The following ACTR3 variants were observed in gnomAD, a reference collection of about 807,000 sequenced individuals.
The protein encoded by ACTR3 is actin related protein 3, also known as actin-related protein 3.
In ACTR3, 12 loss-of-function variants were observed where a neutral mutation model predicts 56.8. The ratio of observed to expected loss-of-function variants is 0.21; its 90% CI spans 0.14 to 0.34. The LOEUF is 0.34. ACTR3 is among the 10% of genes least tolerant of loss of function. The pLI, the probability that ACTR3 is intolerant of heterozygous loss-of-function variation, is 1.00. For synonymous variants in ACTR3, 162 were observed against 167.4 expected (o/e 0.97, Z 0.25); for missense variants, 282 against 512.5 (o/e 0.55, Z 4.34).
chr2:113,934,459 T>C lies in ACTR3; in HGVS notation c.540+73T>C, dbSNP rs550650894. 126 of 1,031,056 alleles carry C rather than the reference T, an allele frequency of 1.2e-4. No individual in the cohort carries two copies. The African/African-American group carries it at 1.9e-3, about 15-fold the overall frequency. 63.9% of individuals were successfully genotyped at this position (1,031,056 alleles called of 1,614,324 possible). Reference sequence around the variant, plus strand: ...GGCAAAGTTAAATTATACGAATTAATGTTACTTTTAAAAAACTTTAAATGC... The same window carrying C: ...GGCAAAGTTAAATTATACGAATTAACGTTACTTTTAAAAAACTTTAAATGC... On this transcript the variant is annotated intron_variant, in intron 6 of 11. Coordinates refer to ENST00000263238, the MANE Select transcript of ACTR3 (RefSeq NM_005721.5).
intron 8 of ACTR3, 97 bp from the exon 9 acceptor site, chr2:113,951,382 G>A (rs1680118151): frequency 2.7e-6 from 2 of 734,732 alleles, no homozygotes; most frequent in Non-Finnish European, 4.6e-6. Context: ...TTTCTAAAAG[G>A]CCTTTTGTTT....
At chr2:113,901,677 C>T (rs989078743) in intron 1 of ACTR3, among the ~76,000 whole-genome samples, 5 of 152,110 alleles carry the variant, frequency 3.3e-5, no homozygotes, top group African/African-American at 7.2e-5. Flanking sequence ...TCCTTAAGCT[C>T]TGGGGTCTTA....
intron 6 of ACTR3, among the ~76,000 whole-genome samples, chr2:113,937,416 G>T (rs1679849059): frequency 6.6e-6 from 1 of 152,052 alleles, no homozygotes; most frequent in South Asian, 2.1e-4. Flanking sequence ...TTGAAATTGA[G>T]TTCTTTTATT....
At chr2:113,956,817 G>A (rs955981914) in intron 11 of ACTR3, among the ~76,000 whole-genome samples, 2 of 152,094 alleles carry the variant, frequency 1.3e-5, no homozygotes, top group Admixed American at 1.3e-4. Context: ...CTCAATTTTA[G>A]TCTTCTTCAA....
chr2:113,889,993 G>A (rs1041352399), upstream of ACTR3: 5 of 535,038 alleles, frequency 9.3e-6, no homozygotes, highest in Non-Finnish European at 1.6e-5. Context: ...GGCGTGAGGG[G>A]AAGAAGTTGT....
At chr2:113,900,904 A>G (rs1381473946) in intron 1 of ACTR3, among the ~76,000 whole-genome samples, 1 of 152,238 alleles carries the variant, frequency 6.6e-6, no homozygotes, top group African/African-American at 2.4e-5. Flanking sequence ...CTTGCATGTC[A>G]TGAGAAAAAT....
chr2:113,943,434 AT>A (rs1679960156), intron 8 of ACTR3, among the ~76,000 whole-genome samples: 1 of 152,216 alleles, frequency 6.6e-6, no homozygotes, highest in African/African-American at 2.4e-5. Flanking sequence ...AGTTAGCTAG[AT>A]TCTGTAGTCA....
At position 113,890,114 on chromosome 2, in the gene ACTR3, G is replaced by A. The variant is rs1678854347; in HGVS notation, c.-166G>A. ...GTTGCGGAAGTGATAGCCGCCGACC[G>A]AGCCTGCTGCTTTCTTGCTACTGCT... On this transcript the variant is annotated 5_prime_UTR_variant, in exon 1 of 12. Coordinates refer to ENST00000263238, the MANE Select transcript of ACTR3 (RefSeq NM_005721.5). The A allele has an allele frequency of 2.1e-5, 17 of 798,764 alleles. No individual in the cohort carries two copies. The Middle Eastern group carries it at 4.2e-3, about 199-fold the overall frequency. The allele number at this position is 798,764 out of a possible 1,614,324, so 49.5% of individuals were successfully genotyped here.
rs1680334851 is a variant in ACTR3 at position 113,962,052 on chromosome 2, T to G, written c.*4597T>G. The G allele has an allele frequency of 6.6e-6, 1 of 152,022 alleles. No homozygotes were observed. Among genetic ancestry groups the G allele is most frequent in the South Asian group, 2.1e-4 (1 of 4,832 alleles). 9.4% of individuals were successfully genotyped at this position (152,022 alleles called of 1,614,324 possible). A position where few individuals can be genotyped will look rare whatever the true frequency, so the allele number is the denominator to read the frequency against. On this transcript the variant is annotated 3_prime_UTR_variant, in exon 12 of 12. Coordinates refer to ENST00000263238, the MANE Select transcript of ACTR3 (RefSeq NM_005721.5). ...GTTTGATGAATGAATGAGTAAAAAT[T>G]ATTTTTCATGTTAAAATAAAACTTT...
intron 6 of ACTR3, among the ~76,000 whole-genome samples, chr2:113,937,470 G>C (rs1679850421): frequency 6.6e-6 from 1 of 152,192 alleles, no homozygotes; most frequent in Admixed American, 6.5e-5. Flanking sequence ...TGAAGGTCCA[G>C]ATTTCCACCT....
chr2:113,939,745 A>G (rs771591828), intron 6 of ACTR3, among the ~76,000 whole-genome samples: 6 of 152,194 alleles, frequency 3.9e-5, no homozygotes, highest in Non-Finnish European at 7.3e-5. Context: ...TATTTTAGTC[A>G]TAGTTATAAA....
In ACTR3 at chr2:113,955,726, C is replaced by G. The variant is rs1206223714; in HGVS notation, c.1161+20C>G. 1 of 1,565,966 alleles carries G rather than the reference C, an allele frequency of 6.4e-7. No homozygotes were observed. Among genetic ancestry groups the G allele is most frequent in the South Asian group, 1.1e-5 (1 of 87,194 alleles). On this transcript the variant is annotated intron_variant, in intron 11 of 11. Coordinates refer to ENST00000263238, the MANE Select transcript of ACTR3 (RefSeq NM_005721.5). ...TCCACGGTGAGTGTGATGAAGCTTA[C>G]TTTTATTTTATTTTATCATTATTAT...
intron 3 of ACTR3, among the ~76,000 whole-genome samples, chr2:113,923,352 T>TTTTC (rs1330950688): frequency 7.3e-6 from 1 of 137,448 alleles, no homozygotes; most frequent in African/African-American, 2.7e-5. Context: ...GTTTGTTTGT[T>TTTTC]TTTGAGACGG....
At chr2:113,918,622 G>A (rs907420568) in intron 3 of ACTR3, among the ~76,000 whole-genome samples, 1 of 152,072 alleles carries the variant, frequency 6.6e-6, no homozygotes, top group African/African-American at 2.4e-5. Flanking sequence ...CTGGGCTCAA[G>A]CAATTTGTCC....
intron 1 of ACTR3, among the ~76,000 whole-genome samples, chr2:113,910,227 C>G (rs776920055): frequency 1.3e-5 from 2 of 151,960 alleles, no homozygotes; most frequent in Non-Finnish European, 2.9e-5. Flanking sequence ...TGTCTATGCA[C>G]TGAAGCCTCT....
chr2:113,916,999 T>C lies in ACTR3; in HGVS notation c.216T>C (p.Tyr72=), dbSNP rs1416023918. 1 of 1,604,446 alleles carries C rather than the reference T, an allele frequency of 6.2e-7. No homozygotes were observed. Among genetic ancestry groups the C allele is most frequent in the Non-Finnish European group, 8.5e-7 (1 of 1,175,760 alleles). Reference sequence around the variant, plus strand: ...ATGAAGCAATAGAAAAACCTACATATGCAACAAAGGTATGTTTTTATGATT... The same window carrying C: ...ATGAAGCAATAGAAAAACCTACATACGCAACAAAGGTATGTTTTTATGATT... The part of the protein sequence containing the change: ...IGDEAIEKPT[Y]ATKWPIRHGI... The change falls in exon 3 of 12, where the codon TAT becomes TAC. Residue 72 remains tyrosine (Y), a synonymous_variant. Transcript: ENST00000263238.
intron 4 of ACTR3, 31 bp from the exon 5 acceptor site, chr2:113,931,270 T>A (rs751421952): frequency 1.6e-6 from 2 of 1,277,690 alleles, no homozygotes; most frequent in Non-Finnish European, 2.2e-6. Context: ...AATCTGATAT[T>A]ATCTATTTAA....
rs1680266804 is a variant in ACTR3, at chr2:113,958,621, GTAATT to G, written c.*1167_*1171del. The G allele has an allele frequency of 6.6e-6, 1 of 151,000 alleles. No individual in the cohort carries two copies. Among genetic ancestry groups the G allele is most frequent in the African/African-American group, 2.4e-5 (1 of 40,974 alleles). The allele number at this position is 151,000 out of a possible 1,614,324, so 9.4% of individuals were successfully genotyped here. A position where few individuals can be genotyped will look rare whatever the true frequency, so the allele number is the denominator to read the frequency against. ...CTAATGTTTTTTTTTTTTAAGTAAT[GTAATT>G]CTATTTTGTTTTTATGTATGTGATA... On this transcript the variant is annotated 3_prime_UTR_variant, in exon 12 of 12. Transcript: ENST00000263238.
At chr2:113,928,539 A>T (rs1679660215) in intron 4 of ACTR3, among the ~76,000 whole-genome samples, 1 of 152,220 alleles carries the variant, frequency 6.6e-6, no homozygotes, top group African/African-American at 2.4e-5. Flanking sequence ...CTAAGGGAGC[A>T]GATAGCAAAT....
Sources: allele counts gnomAD v4.1 joint callset (sites outside exome capture counted in the v4.1 genomes callset), GRCh38; gene constraint gnomAD v4.1.1; transcripts MANE v1.5; gene names NCBI Gene and HGNC (gene_info 2026-07-23, HGNC 2026-07-21).